The following SIAH3 variants were observed in gnomAD, a reference collection of about 807,000 sequenced individuals.
SIAH3 encodes the protein siah E3 ubiquitin protein ligase family member 3, also known as seven in absentia homolog 3.
In SIAH3, 9 loss-of-function variants were observed where a neutral mutation model predicts 12.6. The ratio of observed to expected loss-of-function variants is 0.72; its 90% CI spans 0.43 to 1.25. SIAH3 has a LOEUF of 1.25. SIAH3 is among the 50% of genes most tolerant of loss of function. The probability of loss-of-function intolerance (pLI) is 0.00; values close to 1 mark genes in which losing one functional copy is unlikely to be tolerated. For synonymous variants in SIAH3, 154 were observed against 151.1 expected (o/e 1.02, Z -0.14); for missense variants, 390 against 365.4 (o/e 1.07, Z -0.55).
intron 1 of SIAH3, among the ~76,000 whole-genome samples, chr13:45,812,064 G>A (rs991682383): frequency 7.2e-5 from 11 of 152,280 alleles, no homozygotes; most frequent in East Asian, 1.9e-4. Flanking sequence ...AAAGGATGCC[G>A]CCCAGCACCG....
Position 45,802,351 on chromosome 13 carries a change from G to A in SIAH3, c.136-18294C>T, listed in dbSNP as rs1340777008. 2.6e-5 allele frequency among the ~76,000 whole-genome samples: 4 copies of A among 152,176 alleles called. No individual in the cohort carries two copies. In the South Asian group the frequency reaches 6.2e-4, roughly 24 times the overall value. On this transcript the variant is annotated intron_variant, in intron 1 of 1. Transcript: ENST00000400405. ...AGAAGAAAGTTTGGTAAAGTGGCAG[G>A]GTGGCAGGAGTTGTCTTTTCTAGTC... is the stretch of plus-strand genomic sequence containing the variant.
chr13:45,831,826 CA>C (rs891920120), intron 1 of SIAH3, among the ~76,000 whole-genome samples: 4 of 152,222 alleles, frequency 2.6e-5, no homozygotes, highest in African/African-American at 9.7e-5. Flanking sequence ...GAGATGAAAC[CA>C]AAACCCTGTT....
chr13:45,788,222 G>A (rs1488283063), intron 1 of SIAH3, among the ~76,000 whole-genome samples: 2 of 152,176 alleles, frequency 1.3e-5, no homozygotes, highest in South Asian at 2.1e-4. Context: ...GAGGTCACAG[G>A]GCTGCTGGCA....
chr13:45,825,337 T>G (rs1286281105), intron 1 of SIAH3, among the ~76,000 whole-genome samples: 1 of 152,176 alleles, frequency 6.6e-6, no homozygotes, highest in African/African-American at 2.4e-5. Flanking sequence ...GGATTCAGAA[T>G]GTAACAAAAT....
chr13:45,784,363 A>G (rs1593373917), intron 1 of SIAH3, among the ~76,000 whole-genome samples: 2 of 143,954 alleles, frequency 1.4e-5, no homozygotes, highest in Admixed American at 1.4e-4. Context: ...AACATGCAGT[A>G]GGATGGTCAT....
At chr13:45,846,356 C>T (rs141861754) in intron 1 of SIAH3, among the ~76,000 whole-genome samples, 5,421 of 152,122 alleles carry the variant, frequency 0.036, 335 homozygotes, top group African/African-American at 0.12. Flanking sequence ...TCACAAAGTG[C>T]TGGGATTACA....
rs1491046197 is a variant in SIAH3, at chr13:45,784,396, CTG to C, written c.136-341_136-340del. Among the ~76,000 whole-genome samples the C allele has an allele frequency of 9.1e-4, 93 of 102,002 alleles. 1 individual carries two copies. Among genetic ancestry groups the C allele is most frequent in the South Asian group, 3.4e-3 (10 of 2,906 alleles). 66.9% of individuals were successfully genotyped at this position (102,002 alleles called of 152,430 possible). A position where few individuals can be genotyped will look rare whatever the true frequency, so the allele number is the denominator to read the frequency against. ...CATCAATCACAAAGAACAAAGACAG[CTG>C]TTTTTTTTTTTTTTTTTTTTTTTGC... On this transcript the variant is annotated intron_variant, in intron 1 of 1. Coordinates refer to ENST00000400405, the MANE Select transcript of SIAH3 (RefSeq NM_198849.3).
intron 1 of SIAH3, among the ~76,000 whole-genome samples, chr13:45,793,683 T>C (rs1041524741): frequency 3.4e-5 from 5 of 147,936 alleles, no homozygotes; most frequent in African/African-American, 1.2e-4. Flanking sequence ...ATTCAACCGC[T>C]TCTCTTCATC....
chr13:45,846,825 C>A (rs1368190489), intron 1 of SIAH3, among the ~76,000 whole-genome samples: 2 of 152,190 alleles, frequency 1.3e-5, no homozygotes, highest in African/African-American at 2.4e-5. Flanking sequence ...ACAACTCAAT[C>A]ACCGGCACAG....
intron 1 of SIAH3, among the ~76,000 whole-genome samples, chr13:45,805,444 C>G (rs1208885976): frequency 6.6e-6 from 1 of 152,058 alleles, no homozygotes; most frequent in African/African-American, 2.4e-5. Context: ...ATAATCTGAT[C>G]TTTGATAAAG....
rs560704448 is a variant in SIAH3, at chr13:45,781,798, G to A, written c.*1585C>T. 6.6e-6 allele frequency: 1 copy of A among 152,306 alleles called. No individual in the cohort carries two copies. Among genetic ancestry groups the A allele is most frequent in the East Asian group, 1.9e-4 (1 of 5,176 alleles). 9.4% of individuals were successfully genotyped at this position (152,306 alleles called of 1,614,324 possible). ...TGTTTCAGGATCAGTTATTTTTGGTGGAGAAAAAATTGCAGATGGCCAGCC... is the reference window on the plus strand; with the variant it reads ...TGTTTCAGGATCAGTTATTTTTGGTAGAGAAAAAATTGCAGATGGCCAGCC... On this transcript the variant is annotated 3_prime_UTR_variant, in exon 2 of 2. Coordinates refer to ENST00000400405, the MANE Select transcript of SIAH3 (RefSeq NM_198849.3).
rs2137542650 is a variant in SIAH3, at chr13:45,777,517, T to G, written c.*5866A>C. ...TCAGAAAATATTGGAAAAGACAAAT[T>G]CTAACCCAGGTAGTTCATGTGATGA... On this transcript the variant is annotated 3_prime_UTR_variant, in exon 2 of 2. Transcript: ENST00000400405. 1 of 152,276 alleles carries G rather than the reference T, an allele frequency of 6.6e-6. No individual in the cohort carries two copies. The highest frequency in any genetic ancestry group is 1.9e-4 in the East Asian group (1 of 5,186). The allele number at this position is 152,276 out of a possible 1,614,324, so 9.4% of individuals were successfully genotyped here. A position where few individuals can be genotyped will look rare whatever the true frequency, so the allele number is the denominator to read the frequency against.
chr13:45,812,009 C>T (rs1235220693), intron 1 of SIAH3, among the ~76,000 whole-genome samples: 1 of 152,188 alleles, frequency 6.6e-6, no homozygotes, highest in Non-Finnish European at 1.5e-5. Context: ...AGACTCCAGC[C>T]CCACTCTCCC....
chr13:45,821,876 T>A (rs1370451758), intron 1 of SIAH3, among the ~76,000 whole-genome samples: 1 of 152,240 alleles, frequency 6.6e-6, no homozygotes, highest in Non-Finnish European at 1.5e-5. Context: ...TTCTTTTTCA[T>A]GTGCCCAGTT....
chr13:45,820,280 G>A (rs1010366344), intron 1 of SIAH3, among the ~76,000 whole-genome samples: 17 of 152,130 alleles, frequency 1.1e-4, no homozygotes, highest in African/African-American at 2.2e-4. Context: ...TCCGTTGGCC[G>A]GGAGATAAAT....
At chr13:45,797,343 T>C (rs546852502) in intron 1 of SIAH3, among the ~76,000 whole-genome samples, 1 of 152,252 alleles carries the variant, frequency 6.6e-6, no homozygotes, top group African/African-American at 2.4e-5. Flanking sequence ...GCCTGCATAA[T>C]GCCTGCCGCT....
At chr13:45,791,502 G>A (rs984518977) in intron 1 of SIAH3, among the ~76,000 whole-genome samples, 2 of 151,092 alleles carry the variant, frequency 1.3e-5, no homozygotes, top group Non-Finnish European at 3.0e-5. Flanking sequence ...TAGAAATATG[G>A]TGTGTGTGTG....
intron 1 of SIAH3, among the ~76,000 whole-genome samples, chr13:45,806,402 T>C (rs1173565553): frequency 6.6e-6 from 1 of 152,160 alleles, no homozygotes; most frequent in Non-Finnish European, 1.5e-5. Context: ...GTGAATCGAA[T>C]TATATCCTTT....
chr13:45,831,857 A>G (rs1464119692), intron 1 of SIAH3, among the ~76,000 whole-genome samples: 7 of 152,260 alleles, frequency 4.6e-5, no homozygotes, highest in Admixed American at 2.0e-4. Flanking sequence ...TTCATGTCTC[A>G]TGGAGGAGTC....
Sources: gnomAD v4.1 joint callset for allele counts (sites outside exome capture counted in the v4.1 genomes callset) on GRCh38, gnomAD v4.1.1 for gene constraint, MANE v1.5 for transcripts, NCBI Gene and HGNC (gene_info 2026-07-23, HGNC 2026-07-21) for gene names.